The following KIF20B variants were observed in gnomAD, a reference collection of about 807,000 sequenced individuals.
KIF20B encodes the protein kinesin-like protein KIF20B.
In KIF20B, 188 loss-of-function variants were observed where a neutral mutation model predicts 232.5. The ratio of observed to expected loss-of-function variants is 0.81; its 90% CI spans 0.72 to 0.91. The LOEUF is 0.91. Among genes scored for constraint, KIF20B ranks in the 40% least tolerant of loss-of-function variants. The probability of loss-of-function intolerance (pLI) is 0.00; values close to 1 mark genes in which losing one functional copy is unlikely to be tolerated. For missense variants in KIF20B, 2,154 were observed against 2,055.9 expected (o/e 1.05, Z -0.92); for synonymous variants, 712 against 683.0 (o/e 1.04, Z -0.66).
At chr10:89,716,650 G>A in intron 9 of KIF20B, 103 bp downstream of exon 9, 6 of 657,620 alleles carry the variant, frequency 9.1e-6, no homozygotes, top group Non-Finnish European at 1.6e-5. Flanking sequence ...AGGTTCTCTC[G>A]TGTTAAATTC....
chr10:89,760,265 A>G (rs1007925197), intron 27 of KIF20B, among the ~76,000 whole-genome samples: 19 of 152,164 alleles, frequency 1.2e-4, no homozygotes, highest in African/African-American at 4.3e-4. Context: ...GAATGTGGGC[A>G]GAACACTTGG....
chr10:89,758,305 A>G (rs1424839086), intron 26 of KIF20B, among the ~76,000 whole-genome samples: 1 of 151,952 alleles, frequency 6.6e-6, no homozygotes, highest in Non-Finnish European at 1.5e-5. Context: ...TTTCTTTATC[A>G]GTATTTCATG....
intron 22 of KIF20B, among the ~76,000 whole-genome samples, chr10:89,745,585 T>C (rs1445821168): frequency 1.3e-5 from 2 of 152,066 alleles, no homozygotes; most frequent in Non-Finnish European, 2.9e-5. Context: ...TTTAATTTTT[T>C]TAAATTTTAA....
chr10:89,740,480 C>G (rs1415491015), intron 21 of KIF20B, among the ~76,000 whole-genome samples: 1 of 152,090 alleles, frequency 6.6e-6, no homozygotes, highest in Non-Finnish European at 1.5e-5. Flanking sequence ...TCTCATGACT[C>G]AATCTCCAAC....
intron 21 of KIF20B, among the ~76,000 whole-genome samples, chr10:89,740,414 A>G (rs905207535): frequency 6.6e-6 from 1 of 152,040 alleles, no homozygotes; most frequent in Non-Finnish European, 1.5e-5. Flanking sequence ...CCACCCTCCT[A>G]AGACCTCAGT....
chr10:89,705,258 T>C (rs529527527), intron 1 of KIF20B, 36 bp from the exon 2 acceptor site: 7 of 1,603,452 alleles, frequency 4.4e-6, no homozygotes, highest in African/African-American at 2.7e-5. Context: ...TGCTGACTTA[T>C]TAAGGTTGTT....
chr10:89,767,099 C>T (rs1360138762), intron 29 of KIF20B, among the ~76,000 whole-genome samples: 2 of 151,438 alleles, frequency 1.3e-5, no homozygotes, highest in East Asian at 3.9e-4. Context: ...TTTACTCAAT[C>T]TTCACTGCTA....
intron 30 of KIF20B, 45 bp downstream of exon 30, chr10:89,768,436 T>C: frequency 8.8e-7 from 1 of 1,137,414 alleles, no homozygotes; most frequent in Non-Finnish European, 1.3e-6. Flanking sequence ...TATCCAGAAA[T>C]CCAGTTGTGT....
chr10:89,706,369 A>G (rs1336097964), intron 2 of KIF20B, among the ~76,000 whole-genome samples: 2 of 152,130 alleles, frequency 1.3e-5, no homozygotes, highest in East Asian at 3.8e-4. Flanking sequence ...CCTTTATCAG[A>G]TTAATAGTGT....
intron 1 of KIF20B, among the ~76,000 whole-genome samples, chr10:89,704,010 C>G (rs913420430): frequency 6.6e-5 from 10 of 152,152 alleles, no homozygotes; most frequent in African/African-American, 2.4e-4. Flanking sequence ...CTCGGCCTCC[C>G]AAAGTGCTGG....
chr10:89,774,798 G>C lies in KIF20B; in HGVS notation c.*750G>C, dbSNP rs1198469069. On this transcript the variant is annotated 3_prime_UTR_variant, in exon 33 of 33. Coordinates refer to ENST00000371728, the MANE Select transcript of KIF20B (RefSeq NM_001284259.2). ...CATTCTTTTTATCTTATTTGTTTTTGTACCCATTAACCATCCCCACCTCCC... is the reference window on the plus strand; with the variant it reads ...CATTCTTTTTATCTTATTTGTTTTTCTACCCATTAACCATCCCCACCTCCC... The C allele has an allele frequency of 6.6e-6, 1 of 151,638 alleles. No individual in the cohort carries two copies. The allele number at this position is 151,638 out of a possible 1,614,324, so 9.4% of individuals were successfully genotyped here. A position where few individuals can be genotyped will look rare whatever the true frequency, so the allele number is the denominator to read the frequency against.
intron 25 of KIF20B, among the ~76,000 whole-genome samples, chr10:89,753,497 T>C (rs1037385977): frequency 6.6e-6 from 1 of 152,214 alleles, no homozygotes; most frequent in Non-Finnish European, 1.5e-5. Context: ...ATTGAGAATG[T>C]TTGCATTAAA....
At position 89,718,844 on chromosome 10, in the gene KIF20B, T is replaced by C. The variant is rs756771073; in HGVS notation, c.1406T>C (p.Val469Ala). ...TTAGCCTATGATGAAACACTCAATG[T>C]ATTGAAGTTCTCCGCCATTGCACAA... is the stretch of plus-strand genomic sequence containing the variant. Reference protein sequence around the residue: ...CYLAYDETLNVLKFSAIAQKV... With the variant: ...CYLAYDETLNALKFSAIAQKV... Residue 469 changes from valine to alanine, a missense_variant, in exon 12 of 33, where the codon GTA becomes GCA. Transcript: ENST00000371728. The C allele has an allele frequency of 1.3e-6, 2 of 1,587,366 alleles. No individual in the cohort carries two copies. The highest frequency in any genetic ancestry group is 2.3e-5 in the South Asian group (2 of 85,778).
intron 29 of KIF20B, among the ~76,000 whole-genome samples, chr10:89,765,748 C>T (rs1467208392): frequency 1.3e-5 from 2 of 152,050 alleles, no homozygotes; most frequent in African/African-American, 4.8e-5. Flanking sequence ...TTTTATTTCT[C>T]CTTCACTTAT....
chr10:89,725,362 C>T (rs1204377406), intron 15 of KIF20B, among the ~76,000 whole-genome samples: 2 of 142,866 alleles, frequency 1.4e-5, no homozygotes, highest in African/African-American at 5.0e-5. Flanking sequence ...AAATTTATAC[C>T]TCTGTTATAT....
rs1842522400 is a variant in KIF20B, at chr10:89,774,102, G to A, written c.*54G>A. 1.8e-6 allele frequency: 2 copies of A among 1,089,166 alleles called. No individual in the cohort carries two copies. The highest frequency in any genetic ancestry group is 2.7e-6 in the Non-Finnish European group (2 of 741,754). The allele number at this position is 1,089,166 out of a possible 1,614,324, so 67.5% of individuals were successfully genotyped here. A position where few individuals can be genotyped will look rare whatever the true frequency, so the allele number is the denominator to read the frequency against. ...TTTATAGTCATAGTCATTGGAACTTGCATCCTGTATTGTAAATATAAATGT... is the reference window on the plus strand; with the variant it reads ...TTTATAGTCATAGTCATTGGAACTTACATCCTGTATTGTAAATATAAATGT... On this transcript the variant is annotated 3_prime_UTR_variant, in exon 33 of 33. Coordinates refer to ENST00000371728, the MANE Select transcript of KIF20B (RefSeq NM_001284259.2).
chr10:89,751,520 A>G lies in KIF20B; in HGVS notation c.4222+49A>G, dbSNP rs767257891. On this transcript the variant is annotated intron_variant, in intron 24 of 32. Transcript: ENST00000371728. The stretch of plus-strand genomic sequence containing the variant: ...CTCTAAATATACTTTTTCATTTAAA[A>G]AAAAATTTCCTAGATTTCTTCCCTT... The G allele has an allele frequency of 2.6e-6, 4 of 1,541,974 alleles. No individual in the cohort carries two copies. In the South Asian group the frequency reaches 5.0e-5, roughly 19 times the overall value.
At chr10:89,756,957 A>G (rs980110884) in intron 26 of KIF20B, among the ~76,000 whole-genome samples, 16 of 151,020 alleles carry the variant, frequency 1.1e-4, no homozygotes, top group African/African-American at 3.2e-4. Context: ...TTTGGCTGTT[A>G]TGAATAAATT....
chr10:89,768,877 T>A lies in KIF20B; in HGVS notation c.5231T>A (p.Leu1744His). The change falls in exon 31 of 33, where the codon CTT becomes CAT. Residue 1744 changes from leucine (L) to histidine (H), a missense_variant. Physicochemically the swap from Leu to His is moderately conservative, Grantham distance 99. Transcript: ENST00000371728. ...GDFLQHSPSI[L>H]QSKAKKIIET... Reference sequence around the variant, plus strand: ...TTCTTACAACATTCTCCCTCAATTCTTCAATCAAAAGGTTTGCAGAAAATT... The same window carrying A: ...TTCTTACAACATTCTCCCTCAATTCATCAATCAAAAGGTTTGCAGAAAATT... 6.3e-7 allele frequency: 1 copy of A among 1,591,740 alleles called. No homozygotes were observed. The highest frequency in any genetic ancestry group is 8.5e-7 in the Non-Finnish European group (1 of 1,173,578).
Sources: gnomAD v4.1 joint callset for allele counts (sites outside exome capture counted in the v4.1 genomes callset) on GRCh38, gnomAD v4.1.1 for gene constraint, MANE v1.5 for transcripts, NCBI Gene and HGNC (gene_info 2026-07-23, HGNC 2026-07-21) for gene names.